EIF4G3: variants seen among roughly 807,000 people sequenced by gnomAD.
The protein encoded by EIF4G3 is eukaryotic translation initiation factor 4 gamma 3.
EIF4G3 carries 34 observed loss-of-function variants against 186.4 expected under a neutral mutation model. The ratio of observed to expected loss-of-function variants is 0.18; its 90% CI spans 0.14 to 0.24. The LOEUF (loss-of-function observed/expected upper bound fraction) is 0.24, where lower values mean the gene tolerates loss of function less well. EIF4G3 is among the 10% of genes least tolerant of loss of function. The pLI, the probability that EIF4G3 is intolerant of heterozygous loss-of-function variation, is 1.00. For synonymous variants in EIF4G3, 673 were observed against 679.5 expected (o/e 0.99, Z 0.15); for missense variants, 1,536 against 1,948.5 (o/e 0.79, Z 3.99).
chr1:20,963,379 T>G (rs1235669949), intron 12 of EIF4G3, among the ~76,000 whole-genome samples: 11 of 68,626 alleles, frequency 1.6e-4, no homozygotes, highest in Non-Finnish European at 4.2e-4. Context: ...TCAACTGTAA[T>G]TAATAAATGG....
chr1:21,119,492 T>C (rs1200871162), intron 2 of EIF4G3, among the ~76,000 whole-genome samples: 1 of 152,160 alleles, frequency 6.6e-6, no homozygotes. Context: ...AGGGCCACCA[T>C]ATTTTCTGGA....
intron 2 of EIF4G3, among the ~76,000 whole-genome samples, chr1:21,144,544 A>G (rs941635960): frequency 7.2e-5 from 11 of 151,972 alleles, no homozygotes; most frequent in African/African-American, 1.7e-4. Context: ...GGCATGAGCC[A>G]CTGGTTCCTG....
intron 7 of EIF4G3, among the ~76,000 whole-genome samples, chr1:20,990,874 A>G (rs1383073979): frequency 6.6e-6 from 1 of 152,214 alleles, no homozygotes; most frequent in African/African-American, 2.4e-5. Context: ...GCATGCCTAT[A>G]TTTATTAACT....
At chr1:20,916,815 T>A (rs758877291) in intron 14 of EIF4G3, among the ~76,000 whole-genome samples, 16 of 152,200 alleles carry the variant, frequency 1.1e-4, no homozygotes, top group Non-Finnish European at 2.4e-4. Flanking sequence ...TCATTATGTA[T>A]GCACAACGTA....
chr1:21,000,681 G>T (rs1337616804), intron 6 of EIF4G3, among the ~76,000 whole-genome samples: 1 of 152,052 alleles, frequency 6.6e-6, no homozygotes, highest in Non-Finnish European at 1.5e-5. Flanking sequence ...GAGTAGTCTG[G>T]GGTCTGCTAG....
chr1:20,952,801 G>C (rs2096274241), intron 12 of EIF4G3, among the ~76,000 whole-genome samples: 1 of 152,146 alleles, frequency 6.6e-6, no homozygotes, highest in African/African-American at 2.4e-5. Flanking sequence ...AGTGAGCCGA[G>C]GTCGCGCCAC....
At chr1:21,084,918 A>G (rs991923400) in intron 3 of EIF4G3, among the ~76,000 whole-genome samples, 1 of 152,078 alleles carries the variant, frequency 6.6e-6, no homozygotes, top group Non-Finnish European at 1.5e-5. Context: ...ATGAGGGCTG[A>G]GGGTCTGTGT....
chr1:20,919,264 A>T lies in EIF4G3; in HGVS notation c.1664-14293T>A, dbSNP rs542748180. On this transcript the variant is annotated intron_variant, in intron 14 of 36. Transcript: ENST00000602326. ...CACTTAGTCGCCCAGGCTGAAGAAC[A>T]GTGGCTCAATCACGGCAGACTGCAG... Among the ~76,000 whole-genome samples, 122 of 152,338 alleles carry T rather than the reference A, an allele frequency of 8.0e-4. 4 individuals are homozygous for T. The South Asian group carries it at 0.017, about 21-fold the overall frequency.
At chr1:21,133,715 A>G (rs1448610638) in intron 2 of EIF4G3, among the ~76,000 whole-genome samples, 2 of 152,240 alleles carry the variant, frequency 1.3e-5, no homozygotes, top group East Asian at 3.8e-4. Flanking sequence ...AATTGAAGCT[A>G]ATAACAGCAA....
chr1:20,926,664 C>T (rs567230169), intron 14 of EIF4G3, among the ~76,000 whole-genome samples: 23 of 138,934 alleles, frequency 1.7e-4, no homozygotes, highest in African/African-American at 4.7e-4. Flanking sequence ...AAGACCCTGT[C>T]TCAGAAAAAA....
intron 14 of EIF4G3, among the ~76,000 whole-genome samples, chr1:20,914,890 G>C (rs1236632787): frequency 6.6e-6 from 1 of 152,142 alleles, no homozygotes; most frequent in Non-Finnish European, 1.5e-5. Context: ...AAAAGAATGT[G>C]TATCTACTGT....
intron 2 of EIF4G3, among the ~76,000 whole-genome samples, chr1:21,125,270 TAA>T (rs1229548238): frequency 6.6e-6 from 1 of 152,312 alleles, no homozygotes; most frequent in African/African-American, 2.4e-5. Flanking sequence ...CAACTTCTGA[TAA>T]AGTTACTGGG....
chr1:21,112,265 C>T (rs1402893072), intron 2 of EIF4G3, among the ~76,000 whole-genome samples: 1 of 152,182 alleles, frequency 6.6e-6, no homozygotes, highest in Non-Finnish European at 1.5e-5. Context: ...CTTTTCCTCA[C>T]TACCTGTATT....
At chr1:20,967,395 G>A (rs552002559) in intron 12 of EIF4G3, among the ~76,000 whole-genome samples, 72 of 152,240 alleles carry the variant, frequency 4.7e-4, no homozygotes, top group African/African-American at 1.6e-3. Flanking sequence ...ACCTAACAGA[G>A]CACATATATA....
chr1:21,157,629 C>T (rs2097687818), intron 2 of EIF4G3, among the ~76,000 whole-genome samples: 1 of 152,108 alleles, frequency 6.6e-6, no homozygotes, highest in Non-Finnish European at 1.5e-5. Flanking sequence ...AGCCACCACA[C>T]CCAGCCTCAG....
chr1:21,094,378 T>C (rs1318174341), intron 2 of EIF4G3, among the ~76,000 whole-genome samples: 3 of 151,928 alleles, frequency 2.0e-5, no homozygotes, highest in African/African-American at 4.8e-5. Context: ...CAAATGCCCA[T>C]CAATGATAGA....
intron 30 of EIF4G3, among the ~76,000 whole-genome samples, chr1:20,830,498 A>C (rs751748636): frequency 6.6e-6 from 1 of 152,128 alleles, no homozygotes; most frequent in African/African-American, 2.4e-5. Flanking sequence ...GGTTCAGTTA[A>C]TGTACCACTG....
chr1:20,840,001 G>T (rs1424707497), intron 30 of EIF4G3, among the ~76,000 whole-genome samples: 1 of 151,844 alleles, frequency 6.6e-6, no homozygotes, highest in African/African-American at 2.4e-5. Flanking sequence ...AGGATGAGAT[G>T]GCAGATGTTA....
intron 18 of EIF4G3, among the ~76,000 whole-genome samples, chr1:20,890,484 C>T (rs2085642229): frequency 6.6e-6 from 1 of 152,020 alleles, no homozygotes; most frequent in Admixed American, 6.6e-5. Flanking sequence ...ACTCTGTTGC[C>T]CAGGCTGGAG....
Sources: allele counts gnomAD v4.1 joint callset (sites outside exome capture counted in the v4.1 genomes callset), GRCh38; gene constraint gnomAD v4.1.1; transcripts MANE v1.5; gene names NCBI Gene and HGNC (gene_info 2026-07-23, HGNC 2026-07-21).